ITGAE: variants seen among roughly 807,000 people sequenced by gnomAD.
ITGAE encodes integrin subunit alpha E.
ITGAE carries 99 observed loss-of-function variants against 136.5 expected under a neutral mutation model. The observed-to-expected ratio is 0.73, with a 90% CI of 0.62 to 0.86. The LOEUF (loss-of-function observed/expected upper bound fraction) is 0.86. Among genes scored for constraint, ITGAE ranks in the 40% least tolerant of loss-of-function variants. The pLI is 0.00. For synonymous variants in ITGAE, 613 were observed against 591.8 expected (o/e 1.04, Z -0.52); for missense variants, 1,447 against 1,515.3 (o/e 0.95, Z 0.75).
At chr17:3,726,901 A>AT (rs1053550962) in intron 26 of ITGAE, among the ~76,000 whole-genome samples, 24 of 151,488 alleles carry the variant, frequency 1.6e-4, no homozygotes, top group Middle Eastern at 3.4e-3. Context: ...AATTGTTTGT[A>AT]TTTTTTTAGT....
Position 3,716,685 on chromosome 17 carries a change from G to T in ITGAE, c.3444+3C>A. On this transcript the variant is annotated splice_donor_region_variant and intron_variant, in intron 30 of 30. Coordinates refer to ENST00000263087, the MANE Select transcript of ITGAE (RefSeq NM_002208.5). Reference sequence around the variant, plus strand: ...TCACTGTGATGCCATGAGTAGAACTGACCTTGAACAGGATGACCAGAATCA... The same window carrying T: ...TCACTGTGATGCCATGAGTAGAACTTACCTTGAACAGGATGACCAGAATCA... The T allele has an allele frequency of 1.3e-6, 2 of 1,550,444 alleles. No homozygotes were observed. Among genetic ancestry groups the T allele is most frequent in the Non-Finnish European group, 1.8e-6 (2 of 1,122,116 alleles).
At chr17:3,738,359 C>T (rs765104480) in intron 20 of ITGAE, among the ~76,000 whole-genome samples, 62 of 152,214 alleles carry the variant, frequency 4.1e-4, no homozygotes, top group Middle Eastern at 3.4e-3. Flanking sequence ...TTAGTAGAGA[C>T]GGGGTTTTAC....
intron 7 of ITGAE, 28 bp downstream of exon 7, chr17:3,760,144 G>C: frequency 7.7e-7 from 1 of 1,295,230 alleles, no homozygotes; most frequent in Middle Eastern, 1.8e-4. Context: ...CAATAGATAA[G>C]TGTTAACCAG....
intron 17 of ITGAE, among the ~76,000 whole-genome samples, chr17:3,747,251 G>A (rs563982542): frequency 6.6e-6 from 1 of 152,196 alleles, no homozygotes; most frequent in Non-Finnish European, 1.5e-5. Flanking sequence ...GAAAGAGGAG[G>A]GTGTGTCTCA....
In ITGAE at chr17:3,761,104, G is replaced by A. The variant is rs767830444; in HGVS notation, c.507C>T (p.Asp169=). 9.3e-6 allele frequency: 15 copies of A among 1,612,524 alleles called. No homozygotes were observed. Among genetic ancestry groups the A allele is most frequent in the Admixed American group, 6.7e-5 (4 of 59,936 alleles). The stretch of plus-strand genomic sequence containing the variant: ...GGCGCTGCCTGGCTGTGTTCACATC[G>A]TCTTCTCCACCGCCTTCTTTGTTGC... ...CYSNKEGGGE[D]DVNTARQRRA... Residue 169 remains aspartate (D), a synonymous_variant, in exon 6 of 31, where the codon GAC becomes GAT. Transcript: ENST00000263087.
chr17:3,742,728 T>C lies in ITGAE; in HGVS notation c.2448+761A>G, dbSNP rs543264121. Among the ~76,000 whole-genome samples, 3 of 152,352 alleles carry C rather than the reference T, an allele frequency of 2.0e-5. No individual in the cohort carries two copies. The East Asian group carries it at 5.8e-4, about 29-fold the overall frequency. ...GGCACGGCCTTGGCTCACTGGAACC[T>C]CTGCCTCCTGGGCAAAGGATTCAAA... On this transcript the variant is annotated intron_variant, in intron 19 of 30. Coordinates refer to ENST00000263087, the MANE Select transcript of ITGAE (RefSeq NM_002208.5).
intron 2 of ITGAE, among the ~76,000 whole-genome samples, chr17:3,775,253 T>C (rs904987601): frequency 6.6e-6 from 1 of 152,048 alleles, no homozygotes; most frequent in Non-Finnish European, 1.5e-5. Context: ...CTGCCAACCT[T>C]TGTATATTAA....
chr17:3,753,058 A>C (rs377626862), intron 14 of ITGAE, among the ~76,000 whole-genome samples: 10 of 152,200 alleles, frequency 6.6e-5, no homozygotes, highest in Admixed American at 3.9e-4. Context: ...CAAAAACAAC[A>C]ACCACAAAAA....
chr17:3,771,448 G>A (rs2052419513), intron 2 of ITGAE, among the ~76,000 whole-genome samples: 1 of 152,118 alleles, frequency 6.6e-6, no homozygotes, highest in East Asian at 1.9e-4. Context: ...CGCAGCTCAC[G>A]TGCCCTTGAT....
chr17:3,745,830 G>T lies in ITGAE; in HGVS notation c.2253C>A (p.Cys751Ter). ...GGGATCCGCTGCTCCACTCCCTCAG[G>T]CAGCCCAGACAGCTTCTTACGTCTG... is the stretch of plus-strand genomic sequence containing the variant. Reference protein sequence around the residue: ...QCSDVRSCLGCLREWSSGSQL... With the variant: ...QCSDVRSCLG Residue 751 changes from cysteine to a stop codon, truncating the protein, a stop_gained, in exon 18 of 31, where the codon TGC becomes TGA. Coordinates refer to ENST00000263087, the MANE Select transcript of ITGAE (RefSeq NM_002208.5). LOFTEE classifies it high-confidence loss of function. 6.2e-7 allele frequency: 1 copy of T among 1,614,058 alleles called. No homozygotes were observed. The highest frequency in any genetic ancestry group is 8.5e-7 in the Non-Finnish European group (1 of 1,180,010).
At chr17:3,790,384 G>C (rs1035848035) in intron 1 of ITGAE, among the ~76,000 whole-genome samples, 1 of 151,964 alleles carries the variant, frequency 6.6e-6, no homozygotes, top group African/African-American at 2.4e-5. Context: ...GCGCATGCCT[G>C]TAGTCCTAGC....
At chr17:3,796,156 TGTGTGTGTGCATCC>T (rs1312140452) in intron 1 of ITGAE, among the ~76,000 whole-genome samples, 31 of 133,086 alleles carry the variant, frequency 2.3e-4, no homozygotes, top group East Asian at 8.4e-4. Context: ...TCCGTGTGTG[TGTGTGTGTGCATCC>T]GTGTGTGTGT....
chr17:3,784,984 C>G (rs548094563), intron 1 of ITGAE, among the ~76,000 whole-genome samples: 20 of 152,112 alleles, frequency 1.3e-4, no homozygotes, highest in African/African-American at 4.3e-4. Context: ...AACTCCATCT[C>G]TACCAAAAAT....
chr17:3,770,669 G>T (rs924534500), intron 2 of ITGAE, among the ~76,000 whole-genome samples: 8 of 152,198 alleles, frequency 5.3e-5, no homozygotes, highest in African/African-American at 1.9e-4. Context: ...CTCTGCAGCA[G>T]GAACCCAGAA....
intron 26 of ITGAE, chr17:3,724,739 G>A (rs1003316116): frequency 6.2e-7 from 1 of 1,614,240 alleles, no homozygotes; most frequent in Non-Finnish European, 8.5e-7. Context: ...ATATGAGAGA[G>A]TCCTGCTGTA....
intron 2 of ITGAE, among the ~76,000 whole-genome samples, chr17:3,776,868 C>T (rs1454008023): frequency 6.7e-6 from 1 of 150,204 alleles, no homozygotes; most frequent in East Asian, 2.0e-4. Context: ...CCAGTTTTTT[C>T]TTTGTTATTT....
rs146975137 is a variant in ITGAE, at chr17:3,777,600, C to A, written c.95G>T (p.Gly32Val). The A allele has an allele frequency of 1.2e-6, 2 of 1,613,894 alleles. No homozygotes were observed. Among genetic ancestry groups the A allele is most frequent in the Middle Eastern group, 1.7e-4 (1 of 6,060 alleles). Residue 32 changes from glycine (G) to valine (V), a missense_variant, in exon 2 of 31, where the codon GGA (glycine) becomes GTA (valine). Coordinates refer to ENST00000263087, the MANE Select transcript of ITGAE (RefSeq NM_002208.5). Reference sequence around the variant, plus strand: ...GGAGCTGAGCACGAAAGGGGCACCTCCCTTGGGCGTGAGCCAGGGCCGGGC... The same window carrying A: ...GGAGCTGAGCACGAAAGGGGCACCTACCTTGGGCGTGAGCCAGGGCCGGGC... Reference protein sequence around the residue: ...DVARPWLTPKGGAPFVLSSLL... With the variant: ...DVARPWLTPKVGAPFVLSSLL...
chr17:3,758,270 G>C (rs990499261), intron 8 of ITGAE, among the ~76,000 whole-genome samples: 4 of 152,072 alleles, frequency 2.6e-5, no homozygotes. Context: ...TTTAGAGACG[G>C]CGTCTCACTC....
intron 9 of ITGAE, 71 bp from the exon 10 acceptor site, chr17:3,757,205 C>G: frequency 6.5e-7 from 1 of 1,543,534 alleles, no homozygotes; most frequent in Non-Finnish European, 8.8e-7. Context: ...GAGCTGAGCC[C>G]CTCCATCTGG....
Sources: gnomAD v4.1 joint callset for allele counts (sites outside exome capture counted in the v4.1 genomes callset) on GRCh38, gnomAD v4.1.1 for gene constraint, MANE v1.5 for transcripts, NCBI Gene and HGNC (gene_info 2026-07-23, HGNC 2026-07-21) for gene names.